Variants in CDR2L observed in about 807,000 individuals in gnomAD.
The protein encoded by CDR2L is cerebellar degeneration-related protein 2-like.
CDR2L carries 19 observed loss-of-function variants against 36.1 expected under a neutral mutation model. The ratio of observed to expected loss-of-function variants is 0.53; its 90% CI spans 0.37 to 0.77. CDR2L has a LOEUF of 0.77. CDR2L is among the 30% of genes least tolerant of loss of function. The probability of loss-of-function intolerance (pLI) is 0.00; values close to 1 mark genes in which losing one functional copy is unlikely to be tolerated. For missense variants in CDR2L, 575 were observed against 627.2 expected (o/e 0.92, Z 0.89); for synonymous variants, 285 against 280.4 (o/e 1.02, Z -0.16).
rs552991161 is a variant in CDR2L, at chr17:75,001,538, G to A, written c.341+49G>A. ...GGGGCGGGCGAGGGAGAGCCCCAGGGCTGAGTGTACACAGGGGCCCATGGA... is the reference window on the plus strand; with the variant it reads ...GGGGCGGGCGAGGGAGAGCCCCAGGACTGAGTGTACACAGGGGCCCATGGA... On this transcript the variant is annotated intron_variant, in intron 3 of 4. Transcript: ENST00000337231. 1.8e-5 allele frequency: 26 copies of A among 1,457,306 alleles called. No homozygotes were observed. The East Asian group carries it at 5.5e-4, about 31-fold the overall frequency. 90.3% of individuals were successfully genotyped at this position (1,457,306 alleles called of 1,614,324 possible). A position where few individuals can be genotyped will look rare whatever the true frequency, so the allele number is the denominator to read the frequency against.
intron 3 of CDR2L, 135 bp downstream of exon 3, chr17:75,001,624 T>C: frequency 1.2e-6 from 1 of 832,828 alleles, no homozygotes; most frequent in Non-Finnish European, 1.7e-6. Context: ...AGCTTGTCCT[T>C]GTCGATTTTG....
chr17:74,996,560 C>T (rs34063142), intron 1 of CDR2L, among the ~76,000 whole-genome samples: 49,725 of 151,910 alleles, frequency 0.33, 8,538 homozygotes, highest in Admixed American at 0.44. Flanking sequence ...CTCAGACCCA[C>T]CAAGAGAATT....
At chr17:74,990,281 AGCT>A (rs1436167754) in intron 1 of CDR2L, among the ~76,000 whole-genome samples, 2 of 152,178 alleles carry the variant, frequency 1.3e-5, no homozygotes, top group African/African-American at 4.8e-5. Flanking sequence ...GCTGGTCTGC[AGCT>A]GTTGGCCTGG....
intron 1 of CDR2L, among the ~76,000 whole-genome samples, chr17:74,998,171 G>C (rs1406982759): frequency 6.6e-6 from 1 of 151,970 alleles, no homozygotes; most frequent in Admixed American, 6.6e-5. Context: ...GTTGCAGTGA[G>C]CCAAGATCGC....
At chr17:75,001,942 G>A in intron 3 of CDR2L, 122 bp from the exon 4 acceptor site, 1 of 814,658 alleles carries the variant, frequency 1.2e-6, no homozygotes, top group African/African-American at 1.8e-5. Flanking sequence ...CCAGACAGCG[G>A]CTCAAGGGTA....
Position 75,003,637 on chromosome 17 carries a change from G to T in CDR2L, c.961G>T (p.Ala321Ser). 1.4e-6 allele frequency: 2 copies of T among 1,464,920 alleles called. No homozygotes were observed. Among genetic ancestry groups the T allele is most frequent in the South Asian group, 2.9e-5 (2 of 70,032 alleles). The allele number at this position is 1,464,920 out of a possible 1,614,324, so 90.7% of individuals were successfully genotyped here. The change falls in exon 5 of 5, where the codon GCG becomes TCG. Residue 321 changes from alanine (A) to serine (S), a missense_variant. Transcript: ENST00000337231. ...HVVRKSCSDT[A>S]LNAIVAKDPA... is the part of the protein sequence containing the mutation. ...GGTGCGCAAGAGCTGCAGCGACACT[G>T]CGCTCAACGCCATCGTGGCCAAAGA... is the stretch of plus-strand genomic sequence containing the variant.
In CDR2L at chr17:75,004,124, C is replaced by T. The variant is rs1266614618; in HGVS notation, c.*50C>T. 6.7e-7 allele frequency: 1 copy of T among 1,495,260 alleles called. No homozygotes were observed. The highest frequency in any genetic ancestry group is 2.2e-5 in the Admixed American group (1 of 46,088). The allele number at this position is 1,495,260 out of a possible 1,614,324, so 92.6% of individuals were successfully genotyped here. On this transcript the variant is annotated 3_prime_UTR_variant, in exon 5 of 5. Transcript: ENST00000337231. ...CCAGGGTGGAAGCCGTGGGGTCCCT[C>T]AGGCCTGGGCGGTGCAGCTTCCAGA...
intron 4 of CDR2L, 59 bp from the exon 5 acceptor site, chr17:75,003,124 C>A: frequency 6.6e-7 from 1 of 1,522,526 alleles, no homozygotes; most frequent in South Asian, 1.2e-5. Flanking sequence ...CTTGGCCGTG[C>A]CCGTGACCAC....
chr17:75,001,512 G>T, intron 3 of CDR2L, 23 bp downstream of exon 3: 1 of 1,509,576 alleles, frequency 6.6e-7, no homozygotes, highest in Non-Finnish European at 8.8e-7. Flanking sequence ...CTGAGGGCTG[G>T]GGGGCGGGCG....
intron 1 of CDR2L, among the ~76,000 whole-genome samples, chr17:74,991,550 T>C (rs2144856345): frequency 6.6e-6 from 1 of 151,538 alleles, no homozygotes; most frequent in Non-Finnish European, 1.5e-5. Context: ...ACCCCGTCTC[T>C]ACTAAAAATA....
intron 1 of CDR2L, among the ~76,000 whole-genome samples, chr17:74,988,499 A>T (rs1302194401): frequency 6.6e-6 from 1 of 152,022 alleles, no homozygotes; most frequent in African/African-American, 2.4e-5. Context: ...CTCCTTCGTC[A>T]TGTTTTGCTG....
At chr17:74,991,143 C>A (rs1328694026) in intron 1 of CDR2L, among the ~76,000 whole-genome samples, 1 of 152,250 alleles carries the variant, frequency 6.6e-6, no homozygotes, top group South Asian at 2.1e-4. Context: ...CAGCTCACAC[C>A]TGTAATCCCA....
intron 1 of CDR2L, among the ~76,000 whole-genome samples, chr17:74,997,046 T>C (rs1401916843): frequency 1.1e-4 from 1 of 8,748 alleles, no homozygotes; most frequent in Non-Finnish European, 9.1e-4. Flanking sequence ...CTTTCTTTCT[T>C]TCTTTCTTTC....
chr17:75,001,352 G>A lies in CDR2L; in HGVS notation c.204G>A (p.Lys68=). ...EQVQEIEYLT[K]QLDTLRHVNE... Reference sequence around the variant, plus strand: ...CCTTCCACCCCCAGTACCTAACCAAGCAGCTGGACACGCTGCGGCACGTGA... The same window carrying A: ...CCTTCCACCCCCAGTACCTAACCAAACAGCTGGACACGCTGCGGCACGTGA... The change falls in exon 3 of 5, where the codon AAG becomes AAA. Residue 68 remains lysine (K), a synonymous_variant. Transcript: ENST00000337231. The A allele has an allele frequency of 6.2e-7, 1 of 1,607,164 alleles. No homozygotes were observed.
chr17:75,002,113 G>A lies in CDR2L; in HGVS notation c.391G>A (p.Ala131Thr). ...RLQAQVEELQ[A>T]QVEQLRGLEQ... is the part of the protein sequence containing the mutation. ...CCAGGCTCAGGTGGAGGAGCTGCAG[G>A]CCCAGGTGGAGCAACTGAGAGGCCT... The change falls in exon 4 of 5, where the codon GCC becomes ACC. Residue 131 changes from alanine (A) to threonine (T), a missense_variant. Ala to Thr is a moderately conservative substitution (Grantham distance 58). Coordinates refer to ENST00000337231, the MANE Select transcript of CDR2L (RefSeq NM_014603.3). This position sits in a 1 kb window ranked among gnomAD's most constrained non-coding sequence, Gnocchi z 4.1. 1 of 1,602,050 alleles carries A rather than the reference G, an allele frequency of 6.2e-7. No homozygotes were observed. Among genetic ancestry groups the A allele is most frequent in the Non-Finnish European group, 8.5e-7 (1 of 1,175,148 alleles).
chr17:74,994,688 C>G (rs2039814810), intron 1 of CDR2L, among the ~76,000 whole-genome samples: 1 of 152,002 alleles, frequency 6.6e-6, no homozygotes, highest in Non-Finnish European at 1.5e-5. Context: ...TGACTCTAAT[C>G]TGAAACTCCT....
chr17:74,992,359 T>C (rs979257923), intron 1 of CDR2L, among the ~76,000 whole-genome samples: 2 of 146,836 alleles, frequency 1.4e-5, no homozygotes, highest in African/African-American at 5.3e-5. Flanking sequence ...TTAATGTTGT[T>C]TTTTTTTTTT....
intron 1 of CDR2L, among the ~76,000 whole-genome samples, chr17:74,995,621 C>G (rs2039820358): frequency 6.6e-6 from 1 of 152,212 alleles, no homozygotes; most frequent in African/African-American, 2.4e-5. Flanking sequence ...CCTCCTGCCT[C>G]AACTTCCCAA....
intron 1 of CDR2L, among the ~76,000 whole-genome samples, chr17:74,994,556 A>T (rs889069781): frequency 6.6e-6 from 1 of 152,180 alleles, no homozygotes; most frequent in African/African-American, 2.4e-5. Context: ...TCTGTGTCCT[A>T]AGGAATTGGG....
Sources: gnomAD v4.1 joint callset for allele counts (sites outside exome capture counted in the v4.1 genomes callset) on GRCh38, gnomAD v4.1.1 for gene constraint, Gnocchi (gnomAD v3.1) non-coding constraint, MANE v1.5 for transcripts, NCBI Gene and HGNC (gene_info 2026-07-23, HGNC 2026-07-21) for gene names.